The following DEAF1 variants were observed in gnomAD, a reference collection of about 807,000 sequenced individuals.
The protein encoded by DEAF1 is DEAF1 transcription factor.
In DEAF1, 53 loss-of-function variants were observed where a neutral mutation model predicts 58.9. The ratio of observed to expected loss-of-function variants is 0.90; its 90% CI spans 0.72 to 1.13. The LOEUF (loss-of-function observed/expected upper bound fraction) is 1.13, where lower values mean the gene tolerates loss of function less well. DEAF1 is among the 50% of genes most tolerant of loss of function. The pLI is 0.00. For missense variants in DEAF1, 685 were observed against 791.4 expected, an observed-to-expected ratio of 0.87 and a Z score of 1.61; for synonymous variants, 385 against 340.4, an observed-to-expected ratio of 1.13 and a Z score of -1.44.
intron 1 of DEAF1, among the ~76,000 whole-genome samples, chr11:693,259 C>T (rs1409536106): frequency 2.0e-5 from 3 of 152,182 alleles, no homozygotes; most frequent in African/African-American, 7.2e-5. Context: ...CTGAAATCAA[C>T]CTCATGGCTC....
Position 645,879 on chromosome 11 carries a change from CA to C in DEAF1, c.1594-1226del, listed in dbSNP as rs773162582. 2.7e-4 allele frequency among the ~76,000 whole-genome samples: 41 copies of C among 152,310 alleles called. No homozygotes were observed. In the Middle Eastern group the frequency reaches 0.01, roughly 38 times the overall value. On this transcript the variant is annotated intron_variant, in intron 11 of 11. Transcript: ENST00000382409. Reference sequence around the variant, plus strand: ...GGGGGCGTGATAGGTACGTATATGACACACAGAGCAGAAATAAATGCTTCCA... The same window carrying C: ...GGGGGCGTGATAGGTACGTATATGACCACAGAGCAGAAATAAATGCTTCCA...
chr11:701,693 G>C (rs144824884), intron 1 of DEAF1, among the ~76,000 whole-genome samples: 2,059 of 152,204 alleles, frequency 0.014, 51 homozygotes, highest in African/African-American at 0.047. Flanking sequence ...ACAGGCGTGA[G>C]CCACCGCGCC....
intron 10 of DEAF1, among the ~76,000 whole-genome samples, chr11:661,885 A>C (rs750749927): frequency 4.6e-5 from 7 of 152,222 alleles, no homozygotes; most frequent in Non-Finnish European, 8.8e-5. Flanking sequence ...ACTTTCCAGC[A>C]CTAATTACAA....
In DEAF1 at chr11:694,969, CCG is replaced by C; in HGVS notation, c.77_78del (p.Ala26GlyfsTer106). Reference protein sequence around the residue: ...AAAVAAAAAVAAAAAAAAGGE... With the variant: ...AAAVAAAAAVXAAAAAAAGGE... The stretch of plus-strand genomic sequence containing the variant: ...CCTCCTGCCGCGGCCGCGGCCGCCG[CCG>C]CCACAGCGGCCGCGGCCGCCACCGC... On this transcript the variant is annotated frameshift_variant, in exon 1 of 12. Coordinates refer to ENST00000382409, the MANE Select transcript of DEAF1 (RefSeq NM_021008.4). LOFTEE classifies it high-confidence loss of function. The C allele has an allele frequency of 8.5e-7, 1 of 1,171,450 alleles. No individual in the cohort carries two copies. Among genetic ancestry groups the C allele is most frequent in the Non-Finnish European group, 1.1e-6 (1 of 949,448 alleles). 72.6% of individuals were successfully genotyped at this position (1,171,450 alleles called of 1,614,324 possible). A position where few individuals can be genotyped will look rare whatever the true frequency, so the allele number is the denominator to read the frequency against.
chr11:681,685 C>T (rs977302133), intron 6 of DEAF1, among the ~76,000 whole-genome samples: 1 of 152,106 alleles, frequency 6.6e-6, no homozygotes, highest in African/African-American at 2.4e-5. Flanking sequence ...GCTAGGATTA[C>T]AGGCGTGAGC....
chr11:686,580 C>G (rs1012637397), intron 5 of DEAF1, among the ~76,000 whole-genome samples: 3 of 152,188 alleles, frequency 2.0e-5, no homozygotes, highest in African/African-American at 7.2e-5. Context: ...ATTTGACACG[C>G]CCCCTTTCTG....
chr11:680,127 C>A (rs962586754), intron 7 of DEAF1: 6 of 410,588 alleles, frequency 1.5e-5, no homozygotes, highest in African/African-American at 1.0e-4. Flanking sequence ...TTTTTAAGTA[C>A]TTCGTGGTTC....
chr11:648,699 C>T (rs1397120846), intron 11 of DEAF1, among the ~76,000 whole-genome samples: 2 of 152,124 alleles, frequency 1.3e-5, no homozygotes, highest in Non-Finnish European at 2.9e-5. Context: ...ACTTTCCCTG[C>T]TTGAGGAAAT....
chr11:646,154 G>A (rs925779843), intron 11 of DEAF1, among the ~76,000 whole-genome samples: 1 of 150,664 alleles, frequency 6.6e-6, no homozygotes, highest in African/African-American at 2.4e-5. Flanking sequence ...TTGGGAGGCT[G>A]AGGCACAAGA....
At chr11:666,280 A>G (rs1321819016) in intron 10 of DEAF1, 1 of 152,288 alleles carries the variant, frequency 6.6e-6, no homozygotes, top group Non-Finnish European at 1.5e-5. Flanking sequence ...GGAAGACAAC[A>G]GAATCCAACA....
intron 10 of DEAF1, among the ~76,000 whole-genome samples, chr11:655,641 C>T (rs534504306): frequency 7.9e-5 from 12 of 152,350 alleles, no homozygotes; most frequent in East Asian, 3.9e-4. Flanking sequence ...GGCCCCTGCA[C>T]GCGTGCAGAC....
intron 1 of DEAF1, 27 bp downstream of exon 1, chr11:694,732 A>G: frequency 1.5e-6 from 2 of 1,290,738 alleles, no homozygotes; most frequent in Non-Finnish European, 2.0e-6. Context: ...GAACCGGACG[A>G]GGCGAGAGGC....
chr11:660,266 G>A (rs115293558), intron 10 of DEAF1, among the ~76,000 whole-genome samples: 2,111 of 152,310 alleles, frequency 0.014, 47 homozygotes, highest in African/African-American at 0.047. Flanking sequence ...ATCTTTTTGA[G>A]CTGGGACAGA....
At chr11:704,646 A>C in intron 1 of DEAF1, 1 of 1,289,084 alleles carries the variant, frequency 7.8e-7, no homozygotes, top group Non-Finnish European at 1.0e-6. Flanking sequence ...TTCATGGTTA[A>C]TGGATCCTGA....
chr11:650,584 A>C (rs1226678674), intron 11 of DEAF1, among the ~76,000 whole-genome samples: 5 of 151,980 alleles, frequency 3.3e-5, no homozygotes, highest in African/African-American at 1.2e-4. Flanking sequence ...GGCTCAAGAG[A>C]TCCTCCCCTC....
chr11:663,121 C>T (rs555336989), intron 10 of DEAF1, among the ~76,000 whole-genome samples: 3 of 152,256 alleles, frequency 2.0e-5, no homozygotes, highest in African/African-American at 4.8e-5. Flanking sequence ...GGACCAGCCT[C>T]GGCAACAAAA....
rs115372667 is a variant in DEAF1 at position 663,868 on chromosome 11, G to A, written c.1504-9817C>T. On this transcript the variant is annotated intron_variant, in intron 10 of 11. Transcript: ENST00000382409. ...CACGGAAAGCACTGTGGTCCTGTCT[G>A]CTACCATGGCTTCCTGAAGCTATAT... Among the ~76,000 whole-genome samples, 695 of 152,340 alleles carry A rather than the reference G, an allele frequency of 4.6e-3. 6 individuals are homozygous for A. The highest frequency in any genetic ancestry group is 0.016 in the African/African-American group (658 of 41,568).
chr11:646,136 TCAGCTAC>T (rs1858483568), intron 11 of DEAF1, among the ~76,000 whole-genome samples: 1 of 149,714 alleles, frequency 6.7e-6, no homozygotes, highest in South Asian at 2.1e-4. Flanking sequence ...ACCTGCAATC[TCAGCTAC>T]TTGGGAGGCT....
chr11:677,736 T>C (rs28479444), intron 9 of DEAF1, among the ~76,000 whole-genome samples: 1,026 of 62,916 alleles, frequency 0.016, 52 homozygotes, highest in South Asian at 0.024. Context: ...AGGTGGATCA[T>C]GAGGTCAGGA....
Sources: gnomAD v4.1 joint callset for allele counts (sites outside exome capture counted in the v4.1 genomes callset) on GRCh38, gnomAD v4.1.1 for gene constraint, MANE v1.5 for transcripts, NCBI Gene and HGNC (gene_info 2026-07-23, HGNC 2026-07-21) for gene names.